The following CNTNAP5 variants were observed in gnomAD, a reference collection of about 807,000 sequenced individuals.
CNTNAP5 encodes contactin associated protein family member 5.
A neutral mutation model predicts 150.2 loss-of-function variants in CNTNAP5; 72 were observed. That is an observed-to-expected ratio of 0.48 (90% CI 0.40 to 0.58). CNTNAP5 has a LOEUF of 0.58. Among genes scored for constraint, CNTNAP5 ranks in the 20% least tolerant of loss-of-function variants. The pLI, the probability that CNTNAP5 is intolerant of heterozygous loss-of-function variation, is 0.00. For synonymous variants in CNTNAP5, 672 were observed against 619.8 expected, an observed-to-expected ratio of 1.08 and a Z score of -1.25; for missense variants, 1,636 against 1,626.2, an observed-to-expected ratio of 1.01 and a Z score of -0.10.
At chr2:124,099,002 C>T (rs1488708800) in intron 1 of CNTNAP5, among the ~76,000 whole-genome samples, 1 of 152,174 alleles carries the variant, frequency 6.6e-6, no homozygotes, top group African/African-American at 2.4e-5. Flanking sequence ...CTGTCAATGT[C>T]TCCCTATTGT....
chr2:124,456,375 C>T (rs1693119959), intron 6 of CNTNAP5, among the ~76,000 whole-genome samples: 1 of 151,944 alleles, frequency 6.6e-6, no homozygotes, highest in African/African-American at 2.4e-5. Flanking sequence ...GGTGAAAGAC[C>T]TCTACAAGAA....
chr2:124,676,107 T>C (rs967002264), intron 13 of CNTNAP5, among the ~76,000 whole-genome samples: 11 of 152,216 alleles, frequency 7.2e-5, no homozygotes, highest in Admixed American at 1.3e-4. Context: ...TCTGCTTAAT[T>C]AGCATTGTTT....
chr2:124,640,073 C>A (rs1678058808), intron 12 of CNTNAP5, among the ~76,000 whole-genome samples: 1 of 152,080 alleles, frequency 6.6e-6, no homozygotes, highest in African/African-American at 2.4e-5. Context: ...CGACCCCTTT[C>A]CAGTCCCTAA....
chr2:124,457,605 G>T (rs190973626), intron 6 of CNTNAP5, among the ~76,000 whole-genome samples: 2 of 152,168 alleles, frequency 1.3e-5, no homozygotes, highest in African/African-American at 4.8e-5. Flanking sequence ...TGTTACATAG[G>T]TAAACGTGTG....
At chr2:124,295,626 C>G (rs1242518272) in intron 3 of CNTNAP5, among the ~76,000 whole-genome samples, 3 of 152,202 alleles carry the variant, frequency 2.0e-5, no homozygotes, top group Non-Finnish European at 4.4e-5. Context: ...ATAATTAGTG[C>G]TTACAACAAA....
chr2:124,675,064 T>C (rs1678911124), intron 13 of CNTNAP5, among the ~76,000 whole-genome samples: 1 of 152,148 alleles, frequency 6.6e-6, no homozygotes, highest in Admixed American at 6.5e-5. Flanking sequence ...TTCTCAACCA[T>C]TATTGCTAAA....
chr2:124,344,114 A>G (rs552891503), intron 3 of CNTNAP5, among the ~76,000 whole-genome samples: 2 of 152,170 alleles, frequency 1.3e-5, no homozygotes, highest in African/African-American at 2.4e-5. Context: ...CCACCTCCCA[A>G]TGCAAACACA....
At chr2:124,857,855 A>G (rs1677415515) in intron 19 of CNTNAP5, among the ~76,000 whole-genome samples, 1 of 151,976 alleles carries the variant, frequency 6.6e-6, no homozygotes, top group Non-Finnish European at 1.5e-5. Context: ...ACAAAAACAT[A>G]TACACCCAAT....
intron 19 of CNTNAP5, among the ~76,000 whole-genome samples, chr2:124,856,742 C>A (rs1024979224): frequency 6.6e-6 from 1 of 152,128 alleles, no homozygotes; most frequent in African/African-American, 2.4e-5. Context: ...ATTAGAGGTG[C>A]TTTGAAATAG....
intron 1 of CNTNAP5, among the ~76,000 whole-genome samples, chr2:124,219,898 C>T (rs1350148946): frequency 6.6e-6 from 1 of 151,976 alleles, no homozygotes; most frequent in African/African-American, 2.4e-5. Context: ...GAAACCATAT[C>T]TGCGATTTTT....
chr2:124,747,378 G>T lies in CNTNAP5; in HGVS notation c.2227G>T (p.Asp743Tyr). ...QHFCNCDADK[D>Y]EWTNDTGFLS... The stretch of plus-strand genomic sequence containing the variant: ...CTTTTGCAATTGCGACGCTGACAAG[G>T]ATGAATGGTAATGAGAATCTCCATC... Residue 743 changes from aspartate to tyrosine, a missense_variant, in exon 14 of 24, where the codon GAT becomes TAT. Transcript: ENST00000682447. The T allele has an allele frequency of 1.2e-5, 20 of 1,613,744 alleles. No individual in the cohort carries two copies. Among genetic ancestry groups the T allele is most frequent in the Non-Finnish European group, 1.7e-5 (20 of 1,179,718 alleles).
At chr2:124,381,705 T>A (rs537684891) in intron 3 of CNTNAP5, among the ~76,000 whole-genome samples, 2 of 151,984 alleles carry the variant, frequency 1.3e-5, no homozygotes, top group East Asian at 3.9e-4. Flanking sequence ...CTGGGAGAGG[T>A]CGAGCGGGAC....
chr2:124,139,096 C>T (rs745519833), intron 1 of CNTNAP5, among the ~76,000 whole-genome samples: 7 of 152,098 alleles, frequency 4.6e-5, no homozygotes, highest in Admixed American at 6.6e-5. Flanking sequence ...TGGGAATTAT[C>T]CATTGTTTTA....
chr2:124,445,877 C>A (rs906492150), intron 5 of CNTNAP5, among the ~76,000 whole-genome samples: 2 of 152,258 alleles, frequency 1.3e-5, no homozygotes, highest in Middle Eastern at 6.8e-3. Context: ...GACGCAAGTT[C>A]CTCAGGGGAA....
At chr2:124,086,365 G>A (rs548769181) in intron 1 of CNTNAP5, among the ~76,000 whole-genome samples, 10 of 151,164 alleles carry the variant, frequency 6.6e-5, no homozygotes, top group Middle Eastern at 3.4e-3. Flanking sequence ...CACCACGCCC[G>A]GCTAATTTCT....
chr2:124,569,583 C>A (rs191752692), intron 11 of CNTNAP5, among the ~76,000 whole-genome samples: 2 of 152,298 alleles, frequency 1.3e-5, no homozygotes, highest in East Asian at 3.9e-4. Flanking sequence ...AGCACTTGTC[C>A]TTGATCTTCT....
At chr2:124,511,616 T>A (rs1159488380) in intron 8 of CNTNAP5, among the ~76,000 whole-genome samples, 1 of 152,146 alleles carries the variant, frequency 6.6e-6, no homozygotes, top group Non-Finnish European at 1.5e-5. Context: ...ATTCATGATT[T>A]CTTGAGAGAA....
chr2:124,166,021 C>T lies in CNTNAP5; in HGVS notation c.83-55684C>T, dbSNP rs527714587. Among the ~76,000 whole-genome samples the T allele has an allele frequency of 5.3e-5, 8 of 152,244 alleles. No individual in the cohort carries two copies. The South Asian group carries it at 1.5e-3, about 28-fold the overall frequency. On this transcript the variant is annotated intron_variant, in intron 1 of 23. Coordinates refer to ENST00000682447, the MANE Select transcript of CNTNAP5 (RefSeq NM_001367498.1). ...ATGCAGAGGATTGTGAGTGTGAAATCGTGGCTGACTCTAAGACAGAATATC... is the reference window on the plus strand; with the variant it reads ...ATGCAGAGGATTGTGAGTGTGAAATTGTGGCTGACTCTAAGACAGAATATC...
At chr2:124,086,297 G>A (rs920235464) in intron 1 of CNTNAP5, among the ~76,000 whole-genome samples, 4 of 148,206 alleles carry the variant, frequency 2.7e-5, no homozygotes, top group Non-Finnish European at 5.9e-5. Flanking sequence ...CCCGGCTCCC[G>A]GGTTCACTCC....
Sources: allele counts gnomAD v4.1 joint callset (sites outside exome capture counted in the v4.1 genomes callset), GRCh38; gene constraint gnomAD v4.1.1; transcripts MANE v1.5; gene names NCBI Gene and HGNC (gene_info 2026-07-23, HGNC 2026-07-21).